Variants in SGSM2 observed in about 807,000 individuals in gnomAD.
The protein encoded by SGSM2 is RUN and TBC1 domain containing 1.
SGSM2 carries 89 observed loss-of-function variants against 126.6 expected under a neutral mutation model. The observed-to-expected ratio is 0.70, with a 90% CI of 0.59 to 0.84. The LOEUF (loss-of-function observed/expected upper bound fraction) is 0.84. Ranked by LOEUF, SGSM2 falls within the 40% of genes least tolerant of loss-of-function variation. The probability of loss-of-function intolerance (pLI) is 0.00; values close to 1 mark genes in which losing one functional copy is unlikely to be tolerated. For missense variants in SGSM2, 1,404 were observed against 1,416.6 expected (o/e 0.99, Z 0.14); for synonymous variants, 614 against 574.3 (o/e 1.07, Z -0.99).
At chr17:2,344,248 C>A (rs2064496742) in intron 2 of SGSM2, among the ~76,000 whole-genome samples, 1 of 151,722 alleles carries the variant, frequency 6.6e-6, no homozygotes, top group Non-Finnish European at 1.5e-5. Flanking sequence ...CGCTTATAAA[C>A]CATTTCCGCC....
At chr17:2,369,028 G>T (rs1238371226) in intron 12 of SGSM2, among the ~76,000 whole-genome samples, 1 of 152,194 alleles carries the variant, frequency 6.6e-6, no homozygotes, top group Non-Finnish European at 1.5e-5. Flanking sequence ...GGGCTCATCT[G>T]TGCATCCTCT....
Position 2,372,979 on chromosome 17 carries a change from G to T in SGSM2, c.1815G>T (p.Arg605=), listed in dbSNP as rs754280176. 86 of 1,577,678 alleles carry T rather than the reference G, an allele frequency of 5.5e-5. No homozygotes were observed. The highest frequency in any genetic ancestry group is 6.7e-5 in the Non-Finnish European group (78 of 1,161,224). Residue 605 remains arginine (R), a synonymous_variant, in exon 16 of 24, where the codon CGG becomes CGT. Transcript: ENST00000268989. The surrounding 1 kb of genome is among the most constrained non-coding windows in gnomAD (Gnocchi z 6.0). ...KKNYKELELL[R]QVYYGGIEHE... The stretch of plus-strand genomic sequence containing the variant: ...ACTACAAAGAGCTGGAGCTGCTGCG[G>T]CAAGTTTACTACGGAGGCATAGAGC...
At chr17:2,365,413 C>G in intron 11 of SGSM2, 72 bp downstream of exon 11, 3 of 1,459,396 alleles carry the variant, frequency 2.1e-6, no homozygotes, top group Non-Finnish European at 2.7e-6. Flanking sequence ...CAGCGTCACC[C>G]AGGAGGGCAG....
intron 2 of SGSM2, among the ~76,000 whole-genome samples, chr17:2,357,051 T>A (rs2065116296): frequency 6.6e-6 from 1 of 152,088 alleles, no homozygotes; most frequent in Non-Finnish European, 1.5e-5. Context: ...TCCATCAGCA[T>A]CTGTGGTCTC....
chr17:2,352,221 C>T (rs1391824096), intron 2 of SGSM2, among the ~76,000 whole-genome samples: 2 of 152,196 alleles, frequency 1.3e-5, no homozygotes, highest in East Asian at 1.9e-4. Context: ...CTGCTCCTCT[C>T]CGGCATTGTT....
intron 1 of SGSM2, among the ~76,000 whole-genome samples, chr17:2,341,806 A>C (rs1006695227): frequency 6.6e-6 from 1 of 152,210 alleles, no homozygotes; most frequent in Non-Finnish European, 1.5e-5. Flanking sequence ...ACAATTTGGC[A>C]ATATCTAATA....
At position 2,373,770 on chromosome 17, in the gene SGSM2, C is replaced by A. The variant is rs566369844; in HGVS notation, c.2100+257C>A. On this transcript the variant is annotated intron_variant, in intron 17 of 23. Transcript: ENST00000268989. The stretch of plus-strand genomic sequence containing the variant: ...CCAACTATAGGGAAAGATGGACTTA[C>A]TGGGATTTAGGGAAGCCCTCCTCCT... 179 of 480,012 alleles carry A rather than the reference C, an allele frequency of 3.7e-4. 1 individual carries two copies. The highest frequency in any genetic ancestry group is 7.1e-4 in the Admixed American group (20 of 28,212). The allele number at this position is 480,012 out of a possible 1,614,324, so 29.7% of individuals were successfully genotyped here.
At chr17:2,345,430 A>G (rs1423132366) in intron 2 of SGSM2, among the ~76,000 whole-genome samples, 2 of 151,512 alleles carry the variant, frequency 1.3e-5, no homozygotes, top group African/African-American at 4.9e-5. Flanking sequence ...CCCCGTCTCT[A>G]CTAAAAATAC....
At chr17:2,351,114 A>G (rs2064829211) in intron 2 of SGSM2, among the ~76,000 whole-genome samples, 3 of 152,064 alleles carry the variant, frequency 2.0e-5, no homozygotes, top group South Asian at 4.1e-4. Flanking sequence ...TTAGCCGGCC[A>G]TGATGGTGGG....
chr17:2,378,834 C>T (rs978460718), intron 22 of SGSM2, among the ~76,000 whole-genome samples: 2 of 152,168 alleles, frequency 1.3e-5, no homozygotes, highest in Admixed American at 6.5e-5. Context: ...GAGAATCCCA[C>T]GACTTTGGCC....
At chr17:2,378,252 C>T (rs1439406538) in intron 22 of SGSM2, among the ~76,000 whole-genome samples, 4 of 152,018 alleles carry the variant, frequency 2.6e-5, no homozygotes, top group East Asian at 1.9e-4. Context: ...GGCAACATAG[C>T]GAGACCCTGT....
intron 2 of SGSM2, among the ~76,000 whole-genome samples, chr17:2,357,337 A>G (rs2065128363): frequency 6.6e-6 from 1 of 152,032 alleles, no homozygotes. Context: ...GCTGGCCCAG[A>G]CTCCAAAGGC....
At chr17:2,338,786 T>TATATATATATATATAA (rs1481763507) in intron 1 of SGSM2, among the ~76,000 whole-genome samples, 1 of 149,636 alleles carries the variant, frequency 6.7e-6, no homozygotes, top group African/African-American at 2.5e-5. Context: ...TATATATATA[T>TATATATATATATATAA]ATAACCTCAC....
intron 1 of SGSM2, among the ~76,000 whole-genome samples, chr17:2,343,036 C>G (rs2064446915): frequency 6.6e-6 from 1 of 152,090 alleles, no homozygotes; most frequent in African/African-American, 2.4e-5. Context: ...CAGGTGGGAA[C>G]CCCAAACATC....
Position 2,376,174 on chromosome 17 carries a change from G to A in SGSM2, c.2522G>A (p.Arg841His), listed in dbSNP as rs774842154. 6 of 1,614,044 alleles carry A rather than the reference G, an allele frequency of 3.7e-6. No individual in the cohort carries two copies. Among genetic ancestry groups the A allele is most frequent in the East Asian group, 2.2e-5 (1 of 44,878 alleles). ...GACACTGTGGCCTTAAACCTGCACC[G>A]CATAGACAAGGATGTGCAGAGGTGT... ...LLDTVALNLH[R>H]IDKDVQRCDR... is the part of the protein sequence containing the mutation. The change falls in exon 19 of 24, where the codon CGC becomes CAC. Residue 841 changes from arginine to histidine, a missense_variant. Transcript: ENST00000268989.
chr17:2,351,404 G>A (rs139263647), intron 2 of SGSM2, among the ~76,000 whole-genome samples: 2 of 152,284 alleles, frequency 1.3e-5, no homozygotes, highest in African/African-American at 2.4e-5. Context: ...TCATGCAGAC[G>A]AAGCTCTGGT....
intron 2 of SGSM2, among the ~76,000 whole-genome samples, chr17:2,360,719 G>A (rs959852517): frequency 1.1e-4 from 16 of 152,238 alleles, no homozygotes; most frequent in African/African-American, 3.9e-4. Flanking sequence ...ACAGCTCACT[G>A]TTTCCAGTCC....
chr17:2,380,210 T>C lies in SGSM2; in HGVS notation c.*690T>C. 6.5e-7 allele frequency: 1 copy of C among 1,531,410 alleles called. No individual in the cohort carries two copies. The highest frequency in any genetic ancestry group is 1.2e-5 in the South Asian group (1 of 84,004). 94.9% of individuals were successfully genotyped at this position (1,531,410 alleles called of 1,614,324 possible). On this transcript the variant is annotated 3_prime_UTR_variant, in exon 24 of 24. Coordinates refer to ENST00000268989, the MANE Select transcript of SGSM2 (RefSeq NM_014853.3). ...CCTCCCCGGCCTTGTACAGTGTACC[T>C]CTGTGTATCTGTACAGCCTCGCTCC...
In SGSM2 at chr17:2,341,810, T is replaced by G. The variant is rs1466777701; in HGVS notation, c.58-1735T>G. Among the ~76,000 whole-genome samples the G allele has an allele frequency of 3.9e-5, 6 of 152,242 alleles. No individual in the cohort carries two copies. In the East Asian group the frequency reaches 1.2e-3, roughly 29 times the overall value. ...AACTTTGGAGAACAATTTGGCAATATCTAATAAAGTGTGTGCATCAGACAT... is the reference window on the plus strand; with the variant it reads ...AACTTTGGAGAACAATTTGGCAATAGCTAATAAAGTGTGTGCATCAGACAT... On this transcript the variant is annotated intron_variant, in intron 1 of 23. Coordinates refer to ENST00000268989, the MANE Select transcript of SGSM2 (RefSeq NM_014853.3).
Sources: gnomAD v4.1 joint callset for allele counts (sites outside exome capture counted in the v4.1 genomes callset) on GRCh38, gnomAD v4.1.1 for gene constraint, Gnocchi (gnomAD v3.1) non-coding constraint, MANE v1.5 for transcripts, NCBI Gene and HGNC (gene_info 2026-07-23, HGNC 2026-07-21) for gene names.